The following CRPPA variants were observed in gnomAD, a reference collection of about 807,000 sequenced individuals.
CRPPA encodes the protein D-ribitol-5-phosphate cytidylyltransferase.
Under a neutral mutation model 52.0 loss-of-function variants are expected in CRPPA, and 43 were observed. That is an observed-to-expected ratio of 0.83 (90% CI 0.65 to 1.07). The LOEUF (loss-of-function observed/expected upper bound fraction) is 1.07, where lower values mean the gene tolerates loss of function less well. CRPPA is among the 50% of genes least tolerant of loss of function. The pLI is 0.00. For missense variants in CRPPA, 629 were observed against 551.7 expected, an observed-to-expected ratio of 1.14 and a Z score of -1.40; for synonymous variants, 250 against 203.5, an observed-to-expected ratio of 1.23 and a Z score of -1.94.
rs936029970 is a variant in CRPPA, at chr7:16,087,991, G to A, written c.*3704C>T. Reference sequence around the variant, plus strand: ...ATAAGTTAGGGAAGAAAAAATTTCTGTTAAATTAATGTAAAATACTTACAA... The same window carrying A: ...ATAAGTTAGGGAAGAAAAAATTTCTATTAAATTAATGTAAAATACTTACAA... On this transcript the variant is annotated 3_prime_UTR_variant, in exon 10 of 10. Transcript: ENST00000407010. 6.6e-6 allele frequency: 1 copy of A among 152,040 alleles called. No individual in the cohort carries two copies. Among genetic ancestry groups the A allele is most frequent in the Non-Finnish European group, 1.5e-5 (1 of 67,980 alleles). The allele number at this position is 152,040 out of a possible 1,614,324, so 9.4% of individuals were successfully genotyped here.
intron 2 of CRPPA, among the ~76,000 whole-genome samples, chr7:16,401,862 T>TA (rs201235130): frequency 0.02 from 3,044 of 152,070 alleles, 97 homozygotes; most frequent in African/African-American, 0.069. Context: ...CCTCTTTCAT[T>TA]AAAAAAATAT....
chr7:16,273,621 A>G (rs1056021865), intron 6 of CRPPA, among the ~76,000 whole-genome samples: 15 of 152,150 alleles, frequency 9.9e-5, no homozygotes, highest in African/African-American at 1.9e-4. Flanking sequence ...CCACCCTTCA[A>G]TTAACTGATG....
chr7:16,222,112 A>G (rs935887176), intron 8 of CRPPA, among the ~76,000 whole-genome samples: 1 of 151,822 alleles, frequency 6.6e-6, no homozygotes, highest in Non-Finnish European at 1.5e-5. Flanking sequence ...AATACTATGC[A>G]GCCATAAAAA....
chr7:16,180,295 C>G (rs1019197192), intron 9 of CRPPA, among the ~76,000 whole-genome samples: 5 of 151,986 alleles, frequency 3.3e-5, no homozygotes, highest in Non-Finnish European at 7.4e-5. Flanking sequence ...ACAGATAGGG[C>G]CGGGAACCAG....
intron 3 of CRPPA, among the ~76,000 whole-genome samples, chr7:16,366,160 C>T (rs1488802395): frequency 8.5e-5 from 13 of 152,162 alleles, no homozygotes; most frequent in Admixed American, 7.9e-4. Context: ...CAAGCTCCCT[C>T]AGGCCTCTTT....
At chr7:16,120,972 T>C (rs932796700) in intron 9 of CRPPA, among the ~76,000 whole-genome samples, 7 of 152,032 alleles carry the variant, frequency 4.6e-5, no homozygotes, top group African/African-American at 1.7e-4. Context: ...AGCCAATATA[T>C]ATTAAATCAT....
intron 6 of CRPPA, among the ~76,000 whole-genome samples, chr7:16,268,251 C>T (rs1293110996): frequency 6.6e-6 from 1 of 151,830 alleles, no homozygotes; most frequent in Non-Finnish European, 1.5e-5. Flanking sequence ...CCATTTTCCA[C>T]CTAGTTTTTA....
At chr7:16,399,418 G>A (rs1302647480) in intron 2 of CRPPA, among the ~76,000 whole-genome samples, 1 of 43,354 alleles carries the variant, frequency 2.3e-5, no homozygotes, top group Non-Finnish European at 4.0e-5. Flanking sequence ...TTTGTGACAT[G>A]TGACAAGTGA....
chr7:16,179,077 A>T (rs562212378), intron 9 of CRPPA, among the ~76,000 whole-genome samples: 2 of 152,110 alleles, frequency 1.3e-5, no homozygotes, highest in East Asian at 3.9e-4. Context: ...ATGGTAAAGC[A>T]ATCAGAAAAG....
intron 2 of CRPPA, among the ~76,000 whole-genome samples, chr7:16,390,252 C>T (rs2128314728): frequency 6.6e-6 from 1 of 152,102 alleles, no homozygotes; most frequent in East Asian, 1.9e-4. Flanking sequence ...TATGCCATGA[C>T]TTCTGCCATC....
In CRPPA at chr7:16,383,983, G is replaced by A. The variant is rs534401094; in HGVS notation, c.535-7742C>T. ...AATGCCTCGCCCTGCTTTGGCTCGC[G>A]CACGGTGCGCTGCACTCACTGTCCT... On this transcript the variant is annotated intron_variant, in intron 2 of 9. Coordinates refer to ENST00000407010, the MANE Select transcript of CRPPA (RefSeq NM_001101426.4). Among the ~76,000 whole-genome samples the A allele has an allele frequency of 1.9e-3, 282 of 152,298 alleles. 1 individual carries two copies. The highest frequency in any genetic ancestry group is 6.5e-3 in the African/African-American group (270 of 41,568).
rs986277506 is a variant in CRPPA at position 16,223,264 on chromosome 7, C to T, written c.1120-7067G>A. ...ACATACTATTTAACTTTTTGAACTA[C>T]AGAATTACCTTTGTTACTTAGATGC... On this transcript the variant is annotated intron_variant, in intron 8 of 9. Coordinates refer to ENST00000407010, the MANE Select transcript of CRPPA (RefSeq NM_001101426.4). 2.0e-5 allele frequency among the ~76,000 whole-genome samples: 3 copies of T among 152,168 alleles called. No individual in the cohort carries two copies. The East Asian group carries it at 5.8e-4, about 29-fold the overall frequency.
At chr7:16,168,457 C>T (rs1781111544) in intron 9 of CRPPA, among the ~76,000 whole-genome samples, 1 of 150,862 alleles carries the variant, frequency 6.6e-6, no homozygotes, top group African/African-American at 2.4e-5. Context: ...ATTTTCATAC[C>T]TAGCATCAGT....
intron 8 of CRPPA, among the ~76,000 whole-genome samples, chr7:16,224,609 C>A (rs895961421): frequency 1.5e-4 from 23 of 152,132 alleles, no homozygotes; most frequent in African/African-American, 3.6e-4. Context: ...TTCTTTGAAT[C>A]TACATAATAG....
At chr7:16,286,268 G>T (rs1784446635) in intron 5 of CRPPA, among the ~76,000 whole-genome samples, 2 of 150,432 alleles carry the variant, frequency 1.3e-5, no homozygotes, top group South Asian at 4.2e-4. Flanking sequence ...ATTTAACTAG[G>T]TAGAATGAAT....
intron 9 of CRPPA, among the ~76,000 whole-genome samples, chr7:16,149,815 G>A (rs945471371): frequency 5.9e-5 from 9 of 152,018 alleles, no homozygotes; most frequent in Admixed American, 1.3e-4. Context: ...GTGAAACCCC[G>A]TCTCTACTAA....
intron 9 of CRPPA, among the ~76,000 whole-genome samples, chr7:16,136,432 T>C (rs1275725618): frequency 6.6e-6 from 1 of 152,192 alleles, no homozygotes; most frequent in East Asian, 1.9e-4. Flanking sequence ...GTTTAAAAAA[T>C]AATGGTCCTG....
At chr7:16,174,780 G>T (rs1057365883) in intron 9 of CRPPA, among the ~76,000 whole-genome samples, 16 of 152,130 alleles carry the variant, frequency 1.1e-4, no homozygotes, top group African/African-American at 3.9e-4. Flanking sequence ...TTATTTAGAA[G>T]AATTATATCT....
At chr7:16,201,617 C>T (rs1038019082) in intron 9 of CRPPA, among the ~76,000 whole-genome samples, 1 of 152,092 alleles carries the variant, frequency 6.6e-6, no homozygotes, top group Non-Finnish European at 1.5e-5. Flanking sequence ...TCTTATTCTT[C>T]TTGGGTGTGG....
Sources: allele counts gnomAD v4.1 joint callset (sites outside exome capture counted in the v4.1 genomes callset), GRCh38; gene constraint gnomAD v4.1.1; transcripts MANE v1.5; gene names NCBI Gene and HGNC (gene_info 2026-07-23, HGNC 2026-07-21).